The following IQCH variants were observed in gnomAD, a reference collection of about 807,000 sequenced individuals.
IQCH encodes IQ motif containing H.
Under a neutral mutation model 117.0 loss-of-function variants are expected in IQCH, and 98 were observed. The ratio of observed to expected loss-of-function variants is 0.84; its 90% confidence interval spans 0.71 to 0.99. The LOEUF is 0.99. IQCH is among the 50% of genes least tolerant of loss of function. IQCH has a pLI of 0.00. For synonymous variants in IQCH, 412 were observed against 448.2 expected, an observed-to-expected ratio of 0.92 and a Z score of 1.02; for missense variants, 1,102 against 1,243.8, an observed-to-expected ratio of 0.89 and a Z score of 1.72.
At chr15:67,297,067 CAGCAGCTGGGCTGTTTAGG>C (rs1348273345) in intron 4 of IQCH, among the ~76,000 whole-genome samples, 1 of 152,178 alleles carries the variant, frequency 6.6e-6, no homozygotes, top group Non-Finnish European at 1.5e-5. Context: ...GGCAGTTAGG[CAGCAGCTGGGCTGTTTAGG>C]AGCAGCATGG....
In IQCH at chr15:67,371,505, G is replaced by T. The variant is rs146824601; in HGVS notation, c.754-606G>T. ...ACCAGACTTAAGAATAAAAGAACACGTGTCAAGAGAAACCTAAGAATGACA... is the reference window on the plus strand; with the variant it reads ...ACCAGACTTAAGAATAAAAGAACACTTGTCAAGAGAAACCTAAGAATGACA... On this transcript the variant is annotated intron_variant, in intron 8 of 20. Coordinates refer to ENST00000335894, the MANE Select transcript of IQCH (RefSeq NM_001031715.3). 2.5e-6 allele frequency: 4 copies of T among 1,592,876 alleles called. 1 individual carries two copies. In the South Asian group the frequency reaches 3.5e-5, roughly 14 times the overall value.
intron 8 of IQCH, among the ~76,000 whole-genome samples, chr15:67,368,664 T>C (rs1970416823): frequency 6.6e-6 from 1 of 152,220 alleles, no homozygotes; most frequent in African/African-American, 2.4e-5. Flanking sequence ...TCTATCCTTC[T>C]AGGCAATGGA....
intron 3 of IQCH, among the ~76,000 whole-genome samples, chr15:67,278,001 A>G (rs1272530730): frequency 6.6e-6 from 1 of 152,118 alleles, no homozygotes; most frequent in East Asian, 1.9e-4. Flanking sequence ...GAAGCATTCT[A>G]TACTCTATAA....
At chr15:67,499,565 T>C (rs1039321659) in intron 20 of IQCH, among the ~76,000 whole-genome samples, 1 of 152,026 alleles carries the variant, frequency 6.6e-6, no homozygotes, top group African/African-American at 2.4e-5. Context: ...AAATTAAGTA[T>C]AAAATTACCA....
Position 67,476,932 on chromosome 15 carries a change from A to G in IQCH, c.2799+1114A>G, listed in dbSNP as rs2083215952. Among the ~76,000 whole-genome samples the G allele has an allele frequency of 6.6e-6, 1 of 151,556 alleles. No individual in the cohort carries two copies. Among genetic ancestry groups the G allele is most frequent in the African/African-American group, 2.4e-5 (1 of 41,268 alleles). On this transcript the variant is annotated intron_variant, in intron 18 of 20. Coordinates refer to ENST00000335894, the MANE Select transcript of IQCH (RefSeq NM_001031715.3). This position sits in a 1 kb window ranked among gnomAD's most constrained non-coding sequence, Gnocchi z 4.1. ...AATTGAGTAGTAACCAGTTGATCAGATGTTTTGATTTGTAGATATTCAGTT... is the reference window on the plus strand; with the variant it reads ...AATTGAGTAGTAACCAGTTGATCAGGTGTTTTGATTTGTAGATATTCAGTT...
At chr15:67,320,022 G>T (rs1050941997) in intron 4 of IQCH, among the ~76,000 whole-genome samples, 2 of 152,152 alleles carry the variant, frequency 1.3e-5, no homozygotes, top group Admixed American at 6.5e-5. Flanking sequence ...AACTGTAAGC[G>T]CTCCTAGCCT....
At chr15:67,442,192 C>T (rs973749290) in intron 16 of IQCH, among the ~76,000 whole-genome samples, 1 of 152,040 alleles carries the variant, frequency 6.6e-6, no homozygotes, top group Non-Finnish European at 1.5e-5. Context: ...GGTCAGGTCA[C>T]CTGAGGTCAG....
rs1970457386 is a variant in IQCH at position 67,369,641 on chromosome 15, A to G, written c.754-2470A>G. ...AGAAAGCCAACAAATAATAGTAGAT[A>G]AGTTCACAGAGATAATAAAGAATAA... On this transcript the variant is annotated intron_variant, in intron 8 of 20. Transcript: ENST00000335894. This position sits in a 1 kb window ranked among gnomAD's most constrained non-coding sequence, Gnocchi z 5.2. Among the ~76,000 whole-genome samples, 1 of 152,174 alleles carries G rather than the reference A, an allele frequency of 6.6e-6. No individual in the cohort carries two copies. Among genetic ancestry groups the G allele is most frequent in the Non-Finnish European group, 1.5e-5 (1 of 68,026 alleles).
At position 67,324,237 on chromosome 15, in the gene IQCH, G is replaced by A. The variant is rs574562340; in HGVS notation, c.388-12738G>A. ...TGGGATTACAGGCGTGAGCTACCAC[G>A]CCCAGCCTCAAGCATTTCTTAAAAG... On this transcript the variant is annotated intron_variant, in intron 4 of 20. Transcript: ENST00000335894. Among the ~76,000 whole-genome samples, 26 of 150,006 alleles carry A rather than the reference G, an allele frequency of 1.7e-4. 2 individuals are homozygous for A. The South Asian group carries it at 3.6e-3, about 21-fold the overall frequency.
At chr15:67,295,406 A>G (rs1966846444) in intron 4 of IQCH, among the ~76,000 whole-genome samples, 1 of 152,200 alleles carries the variant, frequency 6.6e-6, no homozygotes, top group Non-Finnish European at 1.5e-5. Context: ...AGTAGCTTTC[A>G]GGAAATGTTC....
rs142247479 is a variant in IQCH at position 67,474,149 on chromosome 15, T to C, written c.2677-1547T>C. ...AGGAGAGGAAAGGAGGTCTATTCTC[T>C]GCAGAGCACTCAGTCAGCCCCAGTT... On this transcript the variant is annotated intron_variant, in intron 17 of 20. Coordinates refer to ENST00000335894, the MANE Select transcript of IQCH (RefSeq NM_001031715.3). The surrounding 1 kb of genome is among the most constrained non-coding windows in gnomAD (Gnocchi z 4.1). 2.7e-3 allele frequency among the ~76,000 whole-genome samples: 410 copies of C among 151,818 alleles called. No individual in the cohort carries two copies. Among genetic ancestry groups the C allele is most frequent in the African/African-American group, 9.5e-3 (391 of 41,372 alleles).
At chr15:67,283,089 A>T (rs968445187) in intron 4 of IQCH, among the ~76,000 whole-genome samples, 7 of 152,052 alleles carry the variant, frequency 4.6e-5, no homozygotes, top group Admixed American at 3.3e-4. Flanking sequence ...ATCAATATGG[A>T]CTCCATTTTT....
intron 18 of IQCH, among the ~76,000 whole-genome samples, chr15:67,488,234 C>G (rs1002441383): frequency 1.3e-5 from 2 of 152,278 alleles, no homozygotes; most frequent in Non-Finnish European, 1.5e-5. Context: ...GGGAGGATCA[C>G]CTGAACTTGG....
At chr15:67,278,215 C>T (rs187877326) in intron 3 of IQCH, among the ~76,000 whole-genome samples, 2 of 152,274 alleles carry the variant, frequency 1.3e-5, no homozygotes, top group African/African-American at 2.4e-5. Context: ...AAGAACAGAA[C>T]GAAGAACAGA....
Position 67,372,547 on chromosome 15 carries a change from G to A in IQCH, c.1190G>A (p.Trp397Ter). 1 of 1,614,018 alleles carries A rather than the reference G, an allele frequency of 6.2e-7. No homozygotes were observed. Among genetic ancestry groups the A allele is most frequent in the Non-Finnish European group, 8.5e-7 (1 of 1,179,966 alleles). Reference protein sequence around the residue: ...KFFLFYRQQKWASGVIAIAWL... With the variant: ...KFFLFYRQQK ...TTCCTCTTTTATCGCCAGCAGAAGT[G>A]GGCATCAGGTGTGATTGCCATTGCT... The change falls in exon 9 of 21, where the codon TGG becomes TAG. Residue 397 changes from tryptophan to a stop codon, truncating the protein, a stop_gained. Coordinates refer to ENST00000335894, the MANE Select transcript of IQCH (RefSeq NM_001031715.3). LOFTEE classifies it high-confidence loss of function.
At chr15:67,483,863 A>G (rs1383464832) in intron 18 of IQCH, among the ~76,000 whole-genome samples, 1 of 152,224 alleles carries the variant, frequency 6.6e-6, no homozygotes, top group Non-Finnish European at 1.5e-5. Context: ...TAAGACTCCA[A>G]GAAATCCAGA....
chr15:67,323,858 A>G (rs1968262878), intron 4 of IQCH, among the ~76,000 whole-genome samples: 1 of 151,268 alleles, frequency 6.6e-6, no homozygotes, highest in Non-Finnish European at 1.5e-5. Flanking sequence ...AAAAGATATT[A>G]TCTTTTATAT....
intron 4 of IQCH, among the ~76,000 whole-genome samples, chr15:67,322,827 G>T (rs1305947686): frequency 4.6e-5 from 7 of 152,206 alleles, no homozygotes; most frequent in Non-Finnish European, 2.9e-5. Context: ...TTATCTTCCA[G>T]TCTTGCTGGG....
intron 6 of IQCH, among the ~76,000 whole-genome samples, chr15:67,351,772 T>C (rs919436331): frequency 6.6e-6 from 1 of 152,216 alleles, no homozygotes; most frequent in African/African-American, 2.4e-5. Context: ...ATTTTGTCTG[T>C]TAATATAGCC....
Sources: gnomAD v4.1 joint callset for allele counts (sites outside exome capture counted in the v4.1 genomes callset) on GRCh38, gnomAD v4.1.1 for gene constraint, Gnocchi (gnomAD v3.1) non-coding constraint, MANE v1.5 for transcripts, NCBI Gene and HGNC (gene_info 2026-07-23, HGNC 2026-07-21) for gene names.